OR56A3: variants seen among roughly 807,000 people sequenced by gnomAD.
OR56A3 encodes the protein olfactory receptor family 56 subfamily A member 3, also known as olfactory receptor 56A3.
In OR56A3, 23 loss-of-function variants were observed where a neutral mutation model predicts 17.5. That is an observed-to-expected ratio of 1.32 (90% CI 0.95 to 1.87). OR56A3 has a LOEUF of 1.87. Among genes scored for constraint, OR56A3 ranks in the 40% most tolerant of loss-of-function variants. The pLI is 0.00. For missense variants in OR56A3, 366 were observed against 380.1 expected (o/e 0.96, Z 0.31); for synonymous variants, 175 against 150.6 (o/e 1.16, Z -1.19).
chr11:5,971,060 G>A, the OR56A3 span, among the ~76,000 whole-genome samples: 7 of 152,230 alleles, frequency 4.6e-5, no homozygotes, highest in African/African-American at 1.7e-4. Flanking sequence ...CTGTGGGCCA[G>A]AGGTAGAGAC....
rs1297393835 is a variant in OR56A3 at position 5,949,707 on chromosome 11, G to T, written c.*1413G>T. On this transcript the variant is annotated 3_prime_UTR_variant, in exon 3 of 3. Transcript: ENST00000641160. ...TTTAACTGAAAGCATCTGAGATTAAGCCCTGTCCTACTCAAGCAGAATTCC... is the reference window on the plus strand; with the variant it reads ...TTTAACTGAAAGCATCTGAGATTAATCCCTGTCCTACTCAAGCAGAATTCC... The T allele has an allele frequency of 6.6e-6, 1 of 152,048 alleles. No individual in the cohort carries two copies. Among genetic ancestry groups the T allele is most frequent in the East Asian group, 1.9e-4 (1 of 5,190 alleles). 9.4% of individuals were successfully genotyped at this position (152,048 alleles called of 1,614,324 possible). A position where few individuals can be genotyped will look rare whatever the true frequency, so the allele number is the denominator to read the frequency against.
chr11:5,980,608 T>G, the OR56A3 span, among the ~76,000 whole-genome samples: 71 of 152,188 alleles, frequency 4.7e-4, no homozygotes, highest in Admixed American at 9.2e-4. Context: ...AGACAGCATA[T>G]AGTTGGGTCT....
chr11:5,966,198 C>T, the OR56A3 span, among the ~76,000 whole-genome samples: 7 of 144,688 alleles, frequency 4.8e-5, no homozygotes, highest in Admixed American at 4.8e-4. Flanking sequence ...TGGTGAAACC[C>T]CGTCTCTACA....
At chr11:5,988,922 G>T in the OR56A3 span, among the ~76,000 whole-genome samples, 1 of 152,250 alleles carries the variant, frequency 6.6e-6, no homozygotes, top group South Asian at 2.1e-4. Context: ...TGGTGCACAT[G>T]TGCGTGTAAA....
chr11:6,001,949 G>A, the OR56A3 span: 1,736 of 1,197,714 alleles, frequency 1.4e-3, 14 homozygotes, highest in African/African-American at 0.023. Flanking sequence ...ACTCAGGCAG[G>A]ATTTAAAGTG....
At chr11:6,003,808 A>G in the OR56A3 span, among the ~76,000 whole-genome samples, 3 of 152,180 alleles carry the variant, frequency 2.0e-5, no homozygotes, top group Non-Finnish European at 4.4e-5. Context: ...GATGGAATAG[A>G]AGTCAGAGAG....
chr11:5,972,644 A>C, the OR56A3 span, among the ~76,000 whole-genome samples: 1 of 152,054 alleles, frequency 6.6e-6, no homozygotes, highest in Non-Finnish European at 1.5e-5. Context: ...GGGACCCAGC[A>C]GCTAAGTTAA....
chr11:5,967,956 C>T, the OR56A3 span: 1 of 1,594,162 alleles, frequency 6.3e-7, no homozygotes, highest in Non-Finnish European at 8.6e-7. Context: ...AGTACAGATG[C>T]AGTTCTTGAT....
At position 5,950,837 on chromosome 11, in the gene OR56A3, T is replaced by C. The variant is rs957896366; in HGVS notation, c.*2543T>C. 6.6e-6 allele frequency: 1 copy of C among 152,166 alleles called. No homozygotes were observed. Among genetic ancestry groups the C allele is most frequent in the African/African-American group, 2.4e-5 (1 of 41,460 alleles). The allele number at this position is 152,166 out of a possible 1,614,324, so 9.4% of individuals were successfully genotyped here. On this transcript the variant is annotated 3_prime_UTR_variant, in exon 3 of 3. Transcript: ENST00000641160. ...CAAGCATTCAATAGCCACGTGAGGCTAGTGACTATGGTATTAATCAGTACT... is the reference window on the plus strand; with the variant it reads ...CAAGCATTCAATAGCCACGTGAGGCCAGTGACTATGGTATTAATCAGTACT...
the OR56A3 span, among the ~76,000 whole-genome samples, chr11:5,982,745 G>A: frequency 3.3e-5 from 5 of 152,152 alleles, no homozygotes; most frequent in African/African-American, 4.8e-5. Flanking sequence ...TTCCTTCCAT[G>A]TCTCCAAACA....
the OR56A3 span, chr11:6,002,532 C>T: frequency 4.1e-3 from 6,641 of 1,614,156 alleles, 24 homozygotes; most frequent in Non-Finnish European, 5.2e-3. Context: ...AAAGGCATTC[C>T]GGGCTATAAC....
the OR56A3 span, among the ~76,000 whole-genome samples, chr11:6,017,619 G>C: frequency 6.6e-6 from 1 of 152,170 alleles, no homozygotes; most frequent in Non-Finnish European, 1.5e-5. Flanking sequence ...AATTCGACAT[G>C]AGATTTGGGT....
chr11:5,986,594 T>A, the OR56A3 span: 10 of 1,613,956 alleles, frequency 6.2e-6, no homozygotes, highest in Non-Finnish European at 8.5e-6. Flanking sequence ...AGGCAGACGA[T>A]GTACCCAATC....
chr11:5,986,076 A>G, the OR56A3 span: 7 of 1,614,014 alleles, frequency 4.3e-6, no homozygotes, highest in Middle Eastern at 1.6e-4. Context: ...GATGGGGTAC[A>G]TGATGACCAA....
chr11:5,960,871 C>T, the OR56A3 span, among the ~76,000 whole-genome samples: 4 of 151,734 alleles, frequency 2.6e-5, no homozygotes, highest in South Asian at 6.3e-4. Context: ...GCCTCTGCCT[C>T]GCCGCCCCGT....
intron 1 of OR56A3, among the ~76,000 whole-genome samples, chr11:5,942,831 C>A (rs769317518): frequency 3.3e-5 from 5 of 152,268 alleles, no homozygotes; most frequent in Non-Finnish European, 7.3e-5. Flanking sequence ...ATCTTACAGG[C>A]CTGCCTGAAT....
chr11:6,018,911 C>T, the OR56A3 span, among the ~76,000 whole-genome samples: 17 of 151,944 alleles, frequency 1.1e-4, no homozygotes, highest in African/African-American at 4.1e-4. Context: ...TACTAACAAA[C>T]TAGAAAACCT....
the OR56A3 span, among the ~76,000 whole-genome samples, chr11:5,979,989 A>G: frequency 6.6e-6 from 1 of 152,170 alleles, no homozygotes; most frequent in East Asian, 1.9e-4. Context: ...ATGTAATTGT[A>G]TGGTTTTGAG....
At chr11:5,968,012 A>G in the OR56A3 span, 2 of 1,593,228 alleles carry the variant, frequency 1.3e-6, no homozygotes, top group Non-Finnish European at 1.7e-6. Context: ...GTATGGGGAT[A>G]GGCATAGTAA....
Sources: gnomAD v4.1 joint callset for allele counts (sites outside exome capture counted in the v4.1 genomes callset) on GRCh38, gnomAD v4.1.1 for gene constraint, MANE v1.5 for transcripts, NCBI Gene and HGNC (gene_info 2026-07-23, HGNC 2026-07-21) for gene names.